SLC5A5: variants seen among roughly 807,000 people sequenced by gnomAD.
SLC5A5 encodes the protein solute carrier family 5 member 5.
In SLC5A5, 56 loss-of-function variants were observed where a neutral mutation model predicts 68.6. The ratio of observed to expected loss-of-function variants is 0.82; its 90% CI spans 0.66 to 1.02. The LOEUF (loss-of-function observed/expected upper bound fraction) is 1.02, where lower values mean the gene tolerates loss of function less well. Among genes scored for constraint, SLC5A5 ranks in the 50% least tolerant of loss-of-function variants. The probability of loss-of-function intolerance (pLI) is 0.00; values close to 1 mark genes in which losing one functional copy is unlikely to be tolerated. For missense variants in SLC5A5, 807 were observed against 859.8 expected, an observed-to-expected ratio of 0.94 and a Z score of 0.77; for synonymous variants, 398 against 373.0, an observed-to-expected ratio of 1.07 and a Z score of -0.77.
chr19:17,890,380 T>TTTTTGTTTTG (rs374236682), intron 13 of SLC5A5, among the ~76,000 whole-genome samples: 4 of 151,764 alleles, frequency 2.6e-5, no homozygotes, highest in African/African-American at 4.8e-5. Flanking sequence ...TCCAATGATG[T>TTTTTGTTTTG]TTTTGTTTTG....
In SLC5A5 at chr19:17,872,135, C is replaced by T. The variant is rs2094295507; in HGVS notation, c.-185C>T. 10 of 592,628 alleles carry T rather than the reference C, an allele frequency of 1.7e-5. No individual in the cohort carries two copies. The South Asian group carries it at 2.0e-4, about 12-fold the overall frequency. 36.7% of individuals were successfully genotyped at this position (592,628 alleles called of 1,614,324 possible). ...GGAGGCCGACACGGACATCGACAGCCCATAGATTCCTAACCCAGGGAGCCC... is the reference window on the plus strand; with the variant it reads ...GGAGGCCGACACGGACATCGACAGCTCATAGATTCCTAACCCAGGGAGCCC... On this transcript the variant is annotated 5_prime_UTR_variant, in exon 1 of 15. Transcript: ENST00000222248.
chr19:17,882,506 T>G (rs1440950787), intron 10 of SLC5A5, among the ~76,000 whole-genome samples: 2 of 146,456 alleles, frequency 1.4e-5, no homozygotes, highest in African/African-American at 5.0e-5. Flanking sequence ...TGGCTAATTT[T>G]TTTCTTTTTT....
intron 13 of SLC5A5, among the ~76,000 whole-genome samples, chr19:17,889,122 C>G (rs1357592918): frequency 6.6e-6 from 1 of 151,810 alleles, no homozygotes; most frequent in East Asian, 1.9e-4. Flanking sequence ...GTCGACTGGG[C>G]GTAGTGGCTC....
intron 1 of SLC5A5, 126 bp downstream of exon 1, chr19:17,872,802 G>C (rs948917675): frequency 3.2e-5 from 22 of 695,514 alleles, no homozygotes; most frequent in Non-Finnish European, 5.6e-5. Flanking sequence ...TGCTTTAACG[G>C]AAGGGGCCCC....
Position 17,872,250 on chromosome 19 carries a change from C to A in SLC5A5, c.-70C>A. The A allele has an allele frequency of 1.8e-6, 1 of 561,170 alleles. No individual in the cohort carries two copies. The highest frequency in any genetic ancestry group is 2.4e-5 in the Admixed American group (1 of 41,100). 34.8% of individuals were successfully genotyped at this position (561,170 alleles called of 1,614,324 possible). On this transcript the variant is annotated 5_prime_UTR_variant, in exon 1 of 15. Coordinates refer to ENST00000222248, the MANE Select transcript of SLC5A5 (RefSeq NM_000453.3). Reference sequence around the variant, plus strand: ...CGCCCTCCCCGTCCTGCCTCCTCGGCCCCTGCCAGCTTCCCCCGCTTGAGC... The same window carrying A: ...CGCCCTCCCCGTCCTGCCTCCTCGGACCCTGCCAGCTTCCCCCGCTTGAGC...
intron 3 of SLC5A5, 38 bp downstream of exon 3, chr19:17,874,583 G>C: frequency 1.9e-6 from 3 of 1,613,556 alleles, no homozygotes; most frequent in Non-Finnish European, 1.7e-6. Context: ...TGTCTGGGAA[G>C]AGAAAGGGAG....
chr19:17,881,923 T>C lies in SLC5A5; in HGVS notation c.1059-37T>C, dbSNP rs747591210. ...CCAGATGGTGTGGACGGTCTCTCCA[T>C]ATGGCCTGAGGACCCCCCGCTGCCT... On this transcript the variant is annotated intron_variant, in intron 8 of 14. Coordinates refer to ENST00000222248, the MANE Select transcript of SLC5A5 (RefSeq NM_000453.3). 5.3e-6 allele frequency: 8 copies of C among 1,514,400 alleles called. No individual in the cohort carries two copies. The South Asian group carries it at 9.0e-5, about 17-fold the overall frequency. 93.8% of individuals were successfully genotyped at this position (1,514,400 alleles called of 1,614,324 possible).
intron 1 of SLC5A5, among the ~76,000 whole-genome samples, chr19:17,873,679 C>G (rs1052954364): frequency 1.3e-5 from 2 of 151,760 alleles, no homozygotes; most frequent in Admixed American, 6.6e-5. Context: ...TTGCTTGAAC[C>G]TGGGAGGCGG....
intron 13 of SLC5A5, among the ~76,000 whole-genome samples, chr19:17,889,742 C>T (rs2030089979): frequency 6.6e-6 from 1 of 151,572 alleles, no homozygotes; most frequent in Admixed American, 6.6e-5. Context: ...CCTGCAACTC[C>T]TCTCCCCAAC....
chr19:17,888,669 G>A (rs1333816504), intron 13 of SLC5A5, among the ~76,000 whole-genome samples: 1 of 150,718 alleles, frequency 6.6e-6, no homozygotes, highest in East Asian at 1.9e-4. Flanking sequence ...GTCTCACTCT[G>A]TCACCCAGGC....
At chr19:17,886,530 A>T (rs1205407275) in intron 12 of SLC5A5, among the ~76,000 whole-genome samples, 2 of 151,806 alleles carry the variant, frequency 1.3e-5, no homozygotes, top group Admixed American at 1.3e-4. Context: ...GTGGTCTCAA[A>T]CCCCTGACCT....
At chr19:17,884,164 G>C in intron 12 of SLC5A5, 118 bp downstream of exon 12, 1 of 960,388 alleles carries the variant, frequency 1.0e-6, no homozygotes, top group Admixed American at 2.0e-5. Context: ...ATTCCTGGGG[G>C]AGGGAACGGT....
At chr19:17,885,937 T>C (rs2029901586) in intron 12 of SLC5A5, among the ~76,000 whole-genome samples, 1 of 152,166 alleles carries the variant, frequency 6.6e-6, no homozygotes, top group African/African-American at 2.4e-5. Context: ...CCCAGCTCAC[T>C]GCAACCTCTG....
At position 17,888,375 on chromosome 19, in the gene SLC5A5, A is replaced by G. The variant is rs1258082150; in HGVS notation, c.1571A>G (p.Tyr524Cys). The G allele has an allele frequency of 1.9e-6, 3 of 1,613,982 alleles. No individual in the cohort carries two copies. Among genetic ancestry groups the G allele is most frequent in the Middle Eastern group, 1.6e-4 (1 of 6,062 alleles). Residue 524 changes from tyrosine to cysteine, a missense_variant, in exon 13 of 15, where the codon TAT becomes TGT. Physicochemically the swap from Tyr to Cys is radical, Grantham distance 194. Coordinates refer to ENST00000222248, the MANE Select transcript of SLC5A5 (RefSeq NM_000453.3). Reference sequence around the variant, plus strand: ...CGACCCGCCTTAGCTGACAGCTTCTATGCCATCTCCTATCTCTATTACGGT... The same window carrying G: ...CGACCCGCCTTAGCTGACAGCTTCTGTGCCATCTCCTATCTCTATTACGGT... ...ASRPALADSF[Y>C]AISYLYYGAL...
intron 12 of SLC5A5, among the ~76,000 whole-genome samples, chr19:17,888,112 ATGTGCC>A (rs890495419): frequency 6.6e-6 from 1 of 152,036 alleles, no homozygotes; most frequent in African/African-American, 2.4e-5. Context: ...CATTTTAGTA[ATGTGCC>A]CTTTGGCTGT....
chr19:17,884,197 C>T, intron 12 of SLC5A5, 151 bp downstream of exon 12: 1 of 725,068 alleles, frequency 1.4e-6, no homozygotes, highest in East Asian at 2.7e-5. Flanking sequence ...CCTGAGGCCA[C>T]AATCGGGTTA....
chr19:17,884,736 G>A (rs941015708), intron 12 of SLC5A5, among the ~76,000 whole-genome samples: 1 of 151,810 alleles, frequency 6.6e-6, no homozygotes, highest in East Asian at 1.9e-4. Flanking sequence ...TCGCACCACT[G>A]TATTCCAGCC....
At chr19:17,891,274 C>T (rs142410664) in intron 14 of SLC5A5, among the ~76,000 whole-genome samples, 4 of 151,978 alleles carry the variant, frequency 2.6e-5, no homozygotes, top group African/African-American at 9.7e-5. Context: ...GGTGCAATCT[C>T]GGCTCACTGC....
Position 17,883,774 on chromosome 19 carries a change from GGGGGCGGGGCAA to G in SLC5A5, c.1329+17_1329+28del, listed in dbSNP as rs1210427699. The stretch of plus-strand genomic sequence containing the variant: ...GCCGGCCTGCAACACACCGGTGAGT[GGGGGCGGGGCAA>G]GGGGCGGGGAGGGGCGGGGCCGGAC... On this transcript the variant is annotated splice_region_variant and intron_variant, in intron 11 of 14. Transcript: ENST00000222248. 1.9e-6 allele frequency: 3 copies of G among 1,611,980 alleles called. No individual in the cohort carries two copies. The highest frequency in any genetic ancestry group is 4.5e-5 in the East Asian group (2 of 44,858).
Sources: gnomAD v4.1 joint callset for allele counts (sites outside exome capture counted in the v4.1 genomes callset) on GRCh38, gnomAD v4.1.1 for gene constraint, MANE v1.5 for transcripts, NCBI Gene and HGNC (gene_info 2026-07-23, HGNC 2026-07-21) for gene names.